Variants in GNAO1 observed in about 807,000 individuals in gnomAD.
GNAO1 encodes the protein guanine nucleotide-binding protein G(o) subunit alpha.
For missense variants in GNAO1, 166 were observed against 478.7 expected, an observed-to-expected ratio of 0.35 and a Z score of 6.10; for synonymous variants, 164 against 180.7, an observed-to-expected ratio of 0.91 and a Z score of 0.74.
intron 3 of GNAO1, among the ~76,000 whole-genome samples, chr16:56,288,832 C>G (rs1389758991): frequency 1.3e-5 from 2 of 152,248 alleles, no homozygotes; most frequent in African/African-American, 4.8e-5. Context: ...TAGGCCCTGC[C>G]TCGGCTGGCA....
At chr16:56,203,443 A>G (rs2036298347) in intron 2 of GNAO1, among the ~76,000 whole-genome samples, 1 of 152,114 alleles carries the variant, frequency 6.6e-6, no homozygotes, top group African/African-American at 2.4e-5. Context: ...CTGGGCTGGA[A>G]TGATGAAAGC....
At chr16:56,258,614 G>A (rs983013708) in intron 2 of GNAO1, among the ~76,000 whole-genome samples, 2 of 152,226 alleles carry the variant, frequency 1.3e-5, no homozygotes, top group Non-Finnish European at 2.9e-5. Context: ...TTGCCATTCA[G>A]GAAGAGCCCT....
chr16:56,290,722 G>A (rs1282835353), intron 3 of GNAO1, among the ~76,000 whole-genome samples: 1 of 152,146 alleles, frequency 6.6e-6, no homozygotes, highest in Admixed American at 6.5e-5. Context: ...ATCCACTCCT[G>A]GAACCCGGCC....
At chr16:56,319,949 A>G (rs2037555049) in intron 3 of GNAO1, among the ~76,000 whole-genome samples, 1 of 152,138 alleles carries the variant, frequency 6.6e-6, no homozygotes, top group African/African-American at 2.4e-5. Context: ...AAAGTGCCTC[A>G]TCTCCACTGT....
At chr16:56,260,066 C>T (rs2036888994) in intron 2 of GNAO1, among the ~76,000 whole-genome samples, 1 of 152,184 alleles carries the variant, frequency 6.6e-6, no homozygotes, top group South Asian at 2.1e-4. Flanking sequence ...GTGGAGCTAG[C>T]ACTAACACTT....
At chr16:56,275,639 G>A (rs560207239) in intron 2 of GNAO1, among the ~76,000 whole-genome samples, 5 of 152,276 alleles carry the variant, frequency 3.3e-5, no homozygotes, top group South Asian at 4.2e-4. Context: ...AGTGCTTAAT[G>A]TATGCCCTTC....
chr16:56,265,960 G>T (rs1010108489), intron 2 of GNAO1, among the ~76,000 whole-genome samples: 1 of 152,028 alleles, frequency 6.6e-6, no homozygotes, highest in Non-Finnish European at 1.5e-5. Flanking sequence ...AAGGTGCCCC[G>T]GGGCCTTTGC....
intron 2 of GNAO1, among the ~76,000 whole-genome samples, chr16:56,234,735 C>G (rs948249827): frequency 1.3e-5 from 2 of 152,142 alleles, no homozygotes; most frequent in Non-Finnish European, 2.9e-5. Context: ...CTGGTTCCCC[C>G]CCAACTCCTA....
chr16:56,323,213 G>A (rs1482244781), intron 3 of GNAO1, among the ~76,000 whole-genome samples: 5 of 152,214 alleles, frequency 3.3e-5, no homozygotes, highest in African/African-American at 7.2e-5. Context: ...GCAGTCAGGG[G>A]CTTTGTAGGC....
chr16:56,301,587 T>C (rs1394958319), intron 3 of GNAO1: 2 of 152,228 alleles, frequency 1.3e-5, no homozygotes, highest in African/African-American at 4.8e-5. Context: ...TGCATGTGTG[T>C]GGAGGGAGAT....
chr16:56,194,280 G>A (rs1468670332), intron 2 of GNAO1: 1 of 456,620 alleles, frequency 2.2e-6, no homozygotes, highest in Admixed American at 2.3e-5. Context: ...GGGAGGCGGG[G>A]CCTGGGGAAT....
chr16:56,301,351 C>T (rs1416859211), intron 3 of GNAO1, among the ~76,000 whole-genome samples: 1 of 152,160 alleles, frequency 6.6e-6, no homozygotes, highest in Non-Finnish European at 1.5e-5. Context: ...AAAGGCCTTA[C>T]AGAAGGGATG....
In GNAO1 at chr16:56,357,017, CAAAA is replaced by C. The variant is rs1488399713; in HGVS notation, c.*945_*948del. Reference sequence around the variant, plus strand: ...CATGTGGGGATGTTTGTGCTGCAGACAAAAAGAACAAAAAAAAATTTTTAAATAC... The same window carrying C: ...CATGTGGGGATGTTTGTGCTGCAGACAGAACAAAAAAAAATTTTTAAATAC... On this transcript the variant is annotated 3_prime_UTR_variant, in exon 9 of 9. Transcript: ENST00000262493. The C allele has an allele frequency of 7.4e-6, 1 of 135,372 alleles. No homozygotes were observed. The highest frequency in any genetic ancestry group is 2.8e-5 in the African/African-American group (1 of 35,794). The allele number at this position is 135,372 out of a possible 1,614,324, so 8.4% of individuals were successfully genotyped here. A position where few individuals can be genotyped will look rare whatever the true frequency, so the allele number is the denominator to read the frequency against.
intron 2 of GNAO1, chr16:56,235,409 G>C (rs1361023280): frequency 2.2e-6 from 1 of 455,898 alleles, no homozygotes; most frequent in Non-Finnish European, 4.4e-6. Context: ...CAGAACTGAA[G>C]GCCGGCGGGA....
intron 3 of GNAO1, among the ~76,000 whole-genome samples, chr16:56,282,901 C>T (rs1282623569): frequency 1.3e-5 from 2 of 152,052 alleles, no homozygotes; most frequent in Non-Finnish European, 2.9e-5. Flanking sequence ...AAGGTCTGGC[C>T]TGTAGGTATG....
At chr16:56,219,026 C>T (rs2036460830) in intron 2 of GNAO1, among the ~76,000 whole-genome samples, 1 of 152,142 alleles carries the variant, frequency 6.6e-6, no homozygotes, top group Non-Finnish European at 1.5e-5. Context: ...GCTGTTCTTG[C>T]CCTCACCACA....
chr16:56,251,361 T>TC (rs1185025982), intron 2 of GNAO1, among the ~76,000 whole-genome samples: 2 of 152,224 alleles, frequency 1.3e-5, no homozygotes, highest in African/African-American at 4.8e-5. Flanking sequence ...TCTTAAAACT[T>TC]CTACAAGTGA....
intron 3 of GNAO1, among the ~76,000 whole-genome samples, chr16:56,309,386 C>A (rs1051915096): frequency 2.0e-4 from 30 of 152,290 alleles, no homozygotes; most frequent in African/African-American, 7.2e-4. Context: ...TTCATGTTGC[C>A]AGCTCTCCCA....
intron 4 of GNAO1, among the ~76,000 whole-genome samples, chr16:56,333,231 G>A (rs537678854): frequency 1.1e-4 from 13 of 121,504 alleles, no homozygotes; most frequent in South Asian, 2.7e-4. Flanking sequence ...TTTTCTCCCC[G>A]AGACAGAGTC....
Sources: allele counts gnomAD v4.1 joint callset (sites outside exome capture counted in the v4.1 genomes callset), GRCh38; gene constraint gnomAD v4.1.1; transcripts MANE v1.5; gene names NCBI Gene and HGNC (gene_info 2026-07-23, HGNC 2026-07-21).